NFATC1: variants seen among roughly 807,000 people sequenced by gnomAD.
NFATC1 encodes the protein nuclear factor of activated T cells 1.
In NFATC1, 22 loss-of-function variants were observed where a neutral mutation model predicts 76.0. The ratio of observed to expected loss-of-function variants is 0.29; its 90% CI spans 0.21 to 0.41. NFATC1 has a LOEUF of 0.41. Among genes scored for constraint, NFATC1 ranks in the 10% least tolerant of loss-of-function variants. The pLI, the probability that NFATC1 is intolerant of heterozygous loss-of-function variation, is 1.00. For synonymous variants in NFATC1, 704 were observed against 613.1 expected (o/e 1.15, Z -2.19); for missense variants, 1,357 against 1,337.7 (o/e 1.01, Z -0.23).
At chr18:79,504,722 G>T (rs1191127930) in intron 9 of NFATC1, among the ~76,000 whole-genome samples, 4 of 152,294 alleles carry the variant, frequency 2.6e-5, no homozygotes, top group Non-Finnish European at 5.9e-5. Context: ...AGTGAGGCTT[G>T]CCTGCAAGAC....
At chr18:79,439,063 G>A (rs974635757) in intron 3 of NFATC1, among the ~76,000 whole-genome samples, 3 of 152,172 alleles carry the variant, frequency 2.0e-5, no homozygotes, top group Non-Finnish European at 2.9e-5. Context: ...GCAGGGGCTC[G>A]GGGAGTGTTC....
intron 1 of NFATC1, among the ~76,000 whole-genome samples, chr18:79,398,584 C>T (rs2085080062): frequency 6.6e-6 from 1 of 152,208 alleles, no homozygotes; most frequent in Non-Finnish European, 1.5e-5. Context: ...GCCCCACCGA[C>T]CCCTTCTCTG....
At chr18:79,469,871 T>C (rs1020364571) in intron 8 of NFATC1, 1 of 985,402 alleles carries the variant, frequency 1.0e-6, no homozygotes, top group Non-Finnish European at 1.2e-6. Flanking sequence ...TCCTGGGGGC[T>C]GCGACCGCAA....
chr18:79,437,078 G>T (rs1430460388), intron 3 of NFATC1, among the ~76,000 whole-genome samples: 1 of 152,226 alleles, frequency 6.6e-6, no homozygotes, highest in Non-Finnish European at 1.5e-5. Flanking sequence ...GTCTGCGAGG[G>T]GGTCTGGGTG....
At chr18:79,413,580 C>T (rs2085771839) in intron 2 of NFATC1, among the ~76,000 whole-genome samples, 1 of 152,342 alleles carries the variant, frequency 6.6e-6, no homozygotes, top group African/African-American at 2.4e-5. Context: ...CTGTAAAGAC[C>T]CTCTCTCCAG....
At chr18:79,462,858 G>GT (rs1568992043) in intron 7 of NFATC1, among the ~76,000 whole-genome samples, 12 of 152,150 alleles carry the variant, frequency 7.9e-5, no homozygotes, top group African/African-American at 2.9e-4. Flanking sequence ...CTCAGTGTGT[G>GT]CAGTTGGAAG....
At chr18:79,457,724 C>T (rs1435285872) in intron 6 of NFATC1, among the ~76,000 whole-genome samples, 4 of 152,228 alleles carry the variant, frequency 2.6e-5, no homozygotes, top group Admixed American at 1.3e-4. Context: ...TCCCTTCCCC[C>T]ACCCCGGCTC....
intron 3 of NFATC1, among the ~76,000 whole-genome samples, chr18:79,440,903 C>G (rs372097261): frequency 1.1e-4 from 17 of 152,172 alleles, no homozygotes; most frequent in African/African-American, 3.6e-4. Context: ...CAGGCCCTGC[C>G]CAGGCCAGAC....
chr18:79,440,280 G>A (rs770214907), intron 3 of NFATC1, among the ~76,000 whole-genome samples: 2 of 152,228 alleles, frequency 1.3e-5, no homozygotes, highest in South Asian at 2.1e-4. Context: ...TCCTAATAGC[G>A]CAGAAGGGCC....
At chr18:79,491,023 G>A (rs1318213141) in intron 9 of NFATC1, among the ~76,000 whole-genome samples, 2 of 152,188 alleles carry the variant, frequency 1.3e-5, no homozygotes, top group Admixed American at 6.5e-5. Context: ...TCTCGATGGG[G>A]ACAGCGGGAG....
intron 9 of NFATC1, among the ~76,000 whole-genome samples, chr18:79,511,632 G>T (rs554751323): frequency 6.6e-6 from 1 of 152,160 alleles, no homozygotes; most frequent in South Asian, 2.1e-4. Flanking sequence ...TGTGCCTCCC[G>T]CCAGGACACG....
chr18:79,453,306 C>G (rs754737895), intron 6 of NFATC1, among the ~76,000 whole-genome samples: 41 of 152,234 alleles, frequency 2.7e-4, no homozygotes, highest in Non-Finnish European at 5.7e-4. Flanking sequence ...CCAGAGAGGC[C>G]TGGGCACCTT....
intron 2 of NFATC1, among the ~76,000 whole-genome samples, chr18:79,427,492 C>T (rs1389714350): frequency 6.2e-5 from 1 of 16,018 alleles, no homozygotes; most frequent in Non-Finnish European, 1.1e-4. Flanking sequence ...GGCCTCTGTG[C>T]GGTGGGTCGG....
intron 3 of NFATC1, among the ~76,000 whole-genome samples, chr18:79,446,633 G>A (rs2087217677): frequency 1.3e-5 from 2 of 152,122 alleles, no homozygotes; most frequent in South Asian, 4.1e-4. Flanking sequence ...GCTGAGGGCT[G>A]GACAGGCAGG....
intron 3 of NFATC1, among the ~76,000 whole-genome samples, chr18:79,436,965 C>T (rs928553445): frequency 6.6e-6 from 1 of 152,152 alleles, no homozygotes; most frequent in Non-Finnish European, 1.5e-5. Context: ...TCACACCGTC[C>T]GCACCCTGAG....
rs565068657 is a variant in NFATC1, at chr18:79,415,534, G to A, written c.1226+4033G>A. ...CCTGACCTCGTGATCCACCCGCCTC[G>A]GCCTCCCAAAGTGCTGGGATTACAG... On this transcript the variant is annotated intron_variant, in intron 2 of 9. Transcript: ENST00000427363. Among the ~76,000 whole-genome samples, 7 of 151,164 alleles carry A rather than the reference G, an allele frequency of 4.6e-5. No homozygotes were observed. In the South Asian group the frequency reaches 8.4e-4, roughly 18 times the overall value.
intron 9 of NFATC1, among the ~76,000 whole-genome samples, chr18:79,488,022 G>T (rs1429034017): frequency 6.6e-6 from 1 of 152,140 alleles, no homozygotes; most frequent in Admixed American, 6.5e-5. Flanking sequence ...AGTGGCCTGG[G>T]GTCCAGGCGA....
At position 79,474,002 on chromosome 18, in the gene NFATC1, A is replaced by C. The variant is rs530951009; in HGVS notation, c.2092+6420A>C. 1.2e-3 allele frequency among the ~76,000 whole-genome samples: 152 copies of C among 123,394 alleles called. 12 individuals carry two copies. Among genetic ancestry groups the C allele is most frequent in the African/African-American group, 5.4e-3 (149 of 27,846 alleles). The allele number at this position is 123,394 out of a possible 152,430, so 81.0% of individuals were successfully genotyped here. The stretch of plus-strand genomic sequence containing the variant: ...TCGACGTTGCGAGGGAAGCGTTTTC[A>C]CACTCACTGTCGACGTAAACCTGAG... On this transcript the variant is annotated intron_variant, in intron 8 of 9. Coordinates refer to ENST00000427363, the MANE Select transcript of NFATC1 (RefSeq NM_001278669.2).
chr18:79,487,018 G>A (rs935608215), intron 9 of NFATC1, 81 bp downstream of exon 9: 35 of 1,428,394 alleles, frequency 2.5e-5, no homozygotes, highest in Admixed American at 1.1e-4. Context: ...TGCGTGCTGC[G>A]TGTGTGGCAC....
Sources: gnomAD v4.1 joint callset for allele counts (sites outside exome capture counted in the v4.1 genomes callset) on GRCh38, gnomAD v4.1.1 for gene constraint, MANE v1.5 for transcripts, NCBI Gene and HGNC (gene_info 2026-07-23, HGNC 2026-07-21) for gene names.